EPHB1: variants seen among roughly 807,000 people sequenced by gnomAD.
The protein encoded by EPHB1 is EPH receptor B1.
EPHB1 carries 30 observed loss-of-function variants against 94.4 expected under a neutral mutation model. The observed-to-expected ratio is 0.32, with a 90% CI of 0.24 to 0.43. EPHB1 has a LOEUF of 0.43. EPHB1 is among the 20% of genes least tolerant of loss of function. The pLI, the probability that EPHB1 is intolerant of heterozygous loss-of-function variation, is 1.00. For missense variants in EPHB1, 1,055 were observed against 1,308.3 expected, an observed-to-expected ratio of 0.81 and a Z score of 2.99; for synonymous variants, 522 against 489.1, an observed-to-expected ratio of 1.07 and a Z score of -0.89.
At chr3:135,023,201 G>A (rs1936039468) in intron 3 of EPHB1, among the ~76,000 whole-genome samples, 1 of 152,194 alleles carries the variant, frequency 6.6e-6, no homozygotes, top group Non-Finnish European at 1.5e-5. Flanking sequence ...TTGTTTCTGT[G>A]TGTATGTTTG....
At chr3:135,062,886 C>A (rs1410514890) in intron 3 of EPHB1, among the ~76,000 whole-genome samples, 2 of 152,072 alleles carry the variant, frequency 1.3e-5, no homozygotes, top group Admixed American at 1.3e-4. Flanking sequence ...GAGGATCCAG[C>A]TTCATTCTCC....
intron 1 of EPHB1, among the ~76,000 whole-genome samples, chr3:134,882,765 C>CCTTTCTTTCTTTTTT (rs10635632): frequency 0.041 from 3,270 of 79,672 alleles, 349 homozygotes; most frequent in Middle Eastern, 0.073. Context: ...TTCCTTCCTT[C>CCTTTCTTTCTTTTTT]CTTTCTTTCT....
intron 5 of EPHB1, among the ~76,000 whole-genome samples, chr3:135,147,475 G>A (rs1190844541): frequency 6.6e-6 from 1 of 152,176 alleles, no homozygotes; most frequent in African/African-American, 2.4e-5. Context: ...TTCCTCGACT[G>A]AGGAGCATTT....
chr3:135,023,377 G>C (rs2107755476), intron 3 of EPHB1, among the ~76,000 whole-genome samples: 1 of 152,254 alleles, frequency 6.6e-6, no homozygotes, highest in South Asian at 2.1e-4. Context: ...GAGCTGTCCT[G>C]TGCATTGTAG....
intron 1 of EPHB1, among the ~76,000 whole-genome samples, chr3:134,892,645 C>CTTTTCT (rs2038009715): frequency 6.7e-6 from 1 of 149,130 alleles, no homozygotes; most frequent in African/African-American, 2.6e-5. Context: ...TGGTAGGAGT[C>CTTTTCT]TTTTCTTTTT....
chr3:134,881,645 G>A (rs570438475), intron 1 of EPHB1, among the ~76,000 whole-genome samples: 24 of 152,168 alleles, frequency 1.6e-4, no homozygotes, highest in Admixed American at 9.2e-4. Flanking sequence ...AGAGAAAGAG[G>A]CCTGACAAAG....
At chr3:135,158,909 C>G (rs1941432775) in intron 6 of EPHB1, among the ~76,000 whole-genome samples, 1 of 152,194 alleles carries the variant, frequency 6.6e-6, no homozygotes, top group Admixed American at 6.5e-5. Flanking sequence ...TTGGTAATTT[C>G]TACCTTTCAA....
At chr3:135,137,253 T>A (rs1237292604) in intron 5 of EPHB1, among the ~76,000 whole-genome samples, 1 of 152,086 alleles carries the variant, frequency 6.6e-6, no homozygotes, top group East Asian at 1.9e-4. Context: ...TAGAGAGTGG[T>A]GGGGACTGCA....
intron 3 of EPHB1, among the ~76,000 whole-genome samples, chr3:135,062,166 C>G (rs1214413024): frequency 6.6e-6 from 1 of 152,174 alleles, no homozygotes; most frequent in African/African-American, 2.4e-5. Context: ...GTGTGAGAAT[C>G]TTTTTCATAT....
chr3:135,089,151 A>G (rs954815709), intron 3 of EPHB1, among the ~76,000 whole-genome samples: 2 of 152,318 alleles, frequency 1.3e-5, no homozygotes, highest in East Asian at 3.9e-4. Flanking sequence ...TATACACAAT[A>G]GTTTTTGTTT....
intron 5 of EPHB1, among the ~76,000 whole-genome samples, chr3:135,151,003 T>C (rs1184837469): frequency 6.6e-6 from 1 of 152,222 alleles, no homozygotes; most frequent in Non-Finnish European, 1.5e-5. Context: ...TTGACTCTTC[T>C]GTTTCTTCCA....
At position 135,214,077 on chromosome 3, in the gene EPHB1, T is replaced by C. The variant is rs116066350; in HGVS notation, c.2346+12388T>C. On this transcript the variant is annotated intron_variant, in intron 12 of 15. Transcript: ENST00000398015. Reference sequence around the variant, plus strand: ...TGTTTCTGCCACTTCTGAGACTCCCTTTCTTCCAAGCCCGCCAGTTCCTCC... The same window carrying C: ...TGTTTCTGCCACTTCTGAGACTCCCCTTCTTCCAAGCCCGCCAGTTCCTCC... Among the ~76,000 whole-genome samples the C allele has an allele frequency of 2.9e-3, 440 of 152,318 alleles. 1 individual carries two copies. The highest frequency in any genetic ancestry group is 4.3e-3 in the Non-Finnish European group (290 of 68,034).
At chr3:135,221,565 C>T (rs1364602446) in intron 12 of EPHB1, among the ~76,000 whole-genome samples, 2 of 152,180 alleles carry the variant, frequency 1.3e-5, no homozygotes, top group African/African-American at 4.8e-5. Flanking sequence ...ATCTAACGCA[C>T]AGGACTTAAC....
At chr3:134,981,515 C>T (rs1934401443) in intron 3 of EPHB1, among the ~76,000 whole-genome samples, 2 of 152,270 alleles carry the variant, frequency 1.3e-5, no homozygotes, top group East Asian at 3.9e-4. Context: ...ATGGTCTAAT[C>T]CCACCTCAAA....
intron 5 of EPHB1, among the ~76,000 whole-genome samples, chr3:135,146,309 A>G (rs931463502): frequency 5.3e-5 from 8 of 152,216 alleles, no homozygotes; most frequent in Non-Finnish European, 7.3e-5. Context: ...TGGAGTAACA[A>G]AGGTAAAATT....
At chr3:134,963,363 C>A (rs946348641) in intron 3 of EPHB1, among the ~76,000 whole-genome samples, 6 of 152,114 alleles carry the variant, frequency 3.9e-5, no homozygotes, top group African/African-American at 1.4e-4. Flanking sequence ...TGCTGATGCT[C>A]TGTTTACCTG....
intron 12 of EPHB1, among the ~76,000 whole-genome samples, chr3:135,202,696 G>A (rs1299370920): frequency 6.6e-6 from 1 of 152,208 alleles, no homozygotes; most frequent in African/African-American, 2.4e-5. Context: ...AATTAGAATG[G>A]CAATCATTAA....
At chr3:135,232,163 T>TTA (rs763759159) in intron 12 of EPHB1, among the ~76,000 whole-genome samples, 2 of 152,244 alleles carry the variant, frequency 1.3e-5, no homozygotes, top group Non-Finnish European at 2.9e-5. Context: ...TTCTTAGTTG[T>TTA]TATGAGTCTT....
chr3:134,986,654 C>T (rs1029015158), intron 3 of EPHB1, among the ~76,000 whole-genome samples: 2 of 151,420 alleles, frequency 1.3e-5, no homozygotes, highest in African/African-American at 4.9e-5. Flanking sequence ...ACTTTGCGGC[C>T]AAAAATGTTC....
Sources: allele counts gnomAD v4.1 joint callset (sites outside exome capture counted in the v4.1 genomes callset), GRCh38; gene constraint gnomAD v4.1.1; transcripts MANE v1.5; gene names NCBI Gene and HGNC (gene_info 2026-07-23, HGNC 2026-07-21).